The following TUBB8B variants were observed in gnomAD, a reference collection of about 807,000 sequenced individuals.
TUBB8B encodes HSA18p11 beta-tubulin 4Q pseudogene.
TUBB8B carries 26 observed loss-of-function variants against 31.9 expected under a neutral mutation model. That is an observed-to-expected ratio of 0.81 (90% confidence interval 0.60 to 1.13). TUBB8B has a LOEUF of 1.13. Ranked by LOEUF, TUBB8B falls within the 50% of genes most tolerant of loss-of-function variation. TUBB8B has a pLI of 0.00. For synonymous variants in TUBB8B, 173 were observed against 231.0 expected, an observed-to-expected ratio of 0.75 and a Z score of 2.28; for missense variants, 467 against 586.7, an observed-to-expected ratio of 0.80 and a Z score of 2.11.
At chr18:71,443 A>G in the TUBB8B span, among the ~76,000 whole-genome samples, 1 of 151,750 alleles carries the variant, frequency 6.6e-6, no homozygotes. Flanking sequence ...GCTACTCAGG[A>G]GGCTGAGGTA....
Position 48,228 on chromosome 18 carries a change from G to A in TUBB8B, c.497C>T (p.Thr166Ile), listed in dbSNP as rs200634579. 11,821 of 1,589,802 alleles carry A rather than the reference G, an allele frequency of 7.4e-3. 3 individuals carry two copies. The highest frequency in any genetic ancestry group is 9.0e-3 in the Non-Finnish European group (10,592 of 1,175,520). Residue 166 changes from threonine to isoleucine, a missense_variant, in exon 4 of 4, where the codon ACA (threonine) becomes ATA (isoleucine). Physicochemically the swap from Thr to Ile is moderately conservative, Grantham distance 89. Transcript: ENST00000308911. ...CTTGGGCGAGGGCAGGATGCTGAAT[G>A]TGTTTATGATCCTGTCTGGGTACTC... ...REEYPDRIIN[T>I]FSILPSPKVS...
At chr18:57,760 G>C in the TUBB8B span, among the ~76,000 whole-genome samples, 1 of 150,604 alleles carries the variant, frequency 6.6e-6, no homozygotes, top group South Asian at 2.1e-4. Context: ...GGTTCTCCAT[G>C]AGGGCTCCAC....
the TUBB8B span, among the ~76,000 whole-genome samples, chr18:56,049 A>T: frequency 6.6e-6 from 1 of 151,798 alleles, no homozygotes; most frequent in African/African-American, 2.4e-5. Flanking sequence ...TCTTCTGCCT[A>T]TGGCTTGCCA....
rs1157117659 is a variant in TUBB8B at position 47,831 on chromosome 18, G to A, written c.894C>T (p.Asn298=). 3 of 1,611,474 alleles carry A rather than the reference G, an allele frequency of 1.9e-6. No individual in the cohort carries two copies. The highest frequency in any genetic ancestry group is 2.2e-5 in the East Asian group (1 of 44,676). The part of the protein sequence containing the change: ...ELTQQMFDAK[N]MMAACDPRHG... ...GACGGGGGTCACAGGCAGCCATCAT[G>A]TTCTTAGCATCAAACATCTGCTGGG... The change falls in exon 4 of 4, where the codon AAC becomes AAT. Residue 298 remains asparagine, a synonymous_variant. Coordinates refer to ENST00000308911, the MANE Select transcript of TUBB8B (RefSeq NM_001358689.2).
At chr18:65,824 G>A in the TUBB8B span, among the ~76,000 whole-genome samples, 9 of 151,966 alleles carry the variant, frequency 5.9e-5, no homozygotes, top group South Asian at 2.1e-4. Flanking sequence ...CCCCCAAAAC[G>A]TTATTAAAAC....
chr18:72,196 A>AAAAAACAAAAAAAAAAAAAAAC, the TUBB8B span, among the ~76,000 whole-genome samples: 1 of 84,536 alleles, frequency 1.2e-5, no homozygotes, highest in African/African-American at 3.9e-5. Flanking sequence ...AAAAAAAAAA[A>AAAAAACAAAAAAAAAAAAAAAC]AAAGGAAAAA....
At chr18:72,354 A>T in the TUBB8B span, among the ~76,000 whole-genome samples, 1 of 152,296 alleles carries the variant, frequency 6.6e-6, no homozygotes, top group South Asian at 2.1e-4. Flanking sequence ...GTATCATGTC[A>T]AAGCTTGATA....
At chr18:64,116 C>T in the TUBB8B span, among the ~76,000 whole-genome samples, 1 of 152,104 alleles carries the variant, frequency 6.6e-6, no homozygotes, top group African/African-American at 2.4e-5. Flanking sequence ...AACCCTTAAC[C>T]CTAACACTAA....
At chr18:72,196 A>AAAAAAGAAAAAAAAAAAAAAAC in the TUBB8B span, among the ~76,000 whole-genome samples, 1 of 84,536 alleles carries the variant, frequency 1.2e-5, no homozygotes, top group African/African-American at 3.9e-5. Context: ...AAAAAAAAAA[A>AAAAAAGAAAAAAAAAAAAAAAC]AAAGGAAAAA....
chr18:62,054 T>G, the TUBB8B span, among the ~76,000 whole-genome samples: 2 of 151,830 alleles, frequency 1.3e-5, no homozygotes, highest in African/African-American at 4.8e-5. Context: ...TTTTTGTTTG[T>G]CGGAAAAAGT....
chr18:48,589 T>C (rs12104107), intron 3 of TUBB8B, 142 bp from the exon 4 acceptor site: 106,672 of 730,578 alleles, frequency 0.15, 10,789 homozygotes, highest in African/African-American at 0.28. Flanking sequence ...AACTCCCTCC[T>C]CCAGAGTTAC....
At chr18:63,713 CACTAA>C in the TUBB8B span, among the ~76,000 whole-genome samples, 3 of 97,348 alleles carry the variant, frequency 3.1e-5, no homozygotes, top group African/African-American at 4.7e-5. Context: ...CTAACCCTAA[CACTAA>C]CCCTAACCCC....
the TUBB8B span, among the ~76,000 whole-genome samples, chr18:63,317 C>G: frequency 6.6e-6 from 1 of 151,734 alleles, no homozygotes; most frequent in Non-Finnish European, 1.5e-5. Flanking sequence ...GGTCCCAAGC[C>G]CAAAAGCACA....
chr18:57,941 T>C, the TUBB8B span, among the ~76,000 whole-genome samples: 1 of 151,888 alleles, frequency 6.6e-6, no homozygotes, highest in East Asian at 1.9e-4. Context: ...ACTGGAGTTG[T>C]AACTGGGCCA....
the TUBB8B span, among the ~76,000 whole-genome samples, chr18:71,569 T>TAAAAAAA: frequency 1.7e-5 from 1 of 57,606 alleles, no homozygotes; most frequent in Non-Finnish European, 3.0e-5. Context: ...AAAAAAAATT[T>TAAAAAAA]AAAAAAAAAA....
At chr18:66,183 C>T in the TUBB8B span, among the ~76,000 whole-genome samples, 17 of 152,206 alleles carry the variant, frequency 1.1e-4, no homozygotes, top group African/African-American at 2.6e-4. Flanking sequence ...AAGCCACGTT[C>T]GCACCACTGC....
chr18:61,771 T>C, the TUBB8B span, among the ~76,000 whole-genome samples: 2 of 151,496 alleles, frequency 1.3e-5, no homozygotes, highest in South Asian at 4.2e-4. Flanking sequence ...TTTTAAACTT[T>C]TTGTTGTTTC....
In TUBB8B at chr18:47,254, C is replaced by T. The variant is rs1207124711; in HGVS notation, c.*136G>A. On this transcript the variant is annotated 3_prime_UTR_variant, in exon 4 of 4. Transcript: ENST00000308911. ...GTGAGAATACTTTATTAGTCAAAACCGCATACTATAAAAATGCTTTAAAAC... is the reference window on the plus strand; with the variant it reads ...GTGAGAATACTTTATTAGTCAAAACTGCATACTATAAAAATGCTTTAAAAC... 20 of 561,648 alleles carry T rather than the reference C, an allele frequency of 3.6e-5. No individual in the cohort carries two copies. The highest frequency in any genetic ancestry group is 1.3e-4 in the South Asian group (6 of 47,490). 34.8% of individuals were successfully genotyped at this position (561,648 alleles called of 1,614,324 possible).
chr18:51,615 C>T (rs536906201), upstream of TUBB8B, among the ~76,000 whole-genome samples: 13 of 152,032 alleles, frequency 8.6e-5, no homozygotes, highest in South Asian at 2.7e-3. Flanking sequence ...AATTTTTGTA[C>T]TTTTAGTATA....
Sources: gnomAD v4.1 joint callset for allele counts (sites outside exome capture counted in the v4.1 genomes callset) on GRCh38, gnomAD v4.1.1 for gene constraint, MANE v1.5 for transcripts, NCBI Gene and HGNC (gene_info 2026-07-23, HGNC 2026-07-21) for gene names.